The following PRKG1 variants were observed in gnomAD, a reference collection of about 807,000 sequenced individuals.
The protein encoded by PRKG1 is protein kinase cGMP-dependent 1.
In PRKG1, 35 loss-of-function variants were observed where a neutral mutation model predicts 88.1. That is an observed-to-expected ratio of 0.40 (90% CI 0.30 to 0.53). PRKG1 has a LOEUF of 0.53. PRKG1 is among the 20% of genes least tolerant of loss of function. The pLI is 0.59. For missense variants in PRKG1, 540 were observed against 839.8 expected (o/e 0.64, Z 4.41); for synonymous variants, 303 against 292.5 (o/e 1.04, Z -0.37).
chr10:51,327,495 AAATT>A (rs1841623960), intron 2 of PRKG1, among the ~76,000 whole-genome samples: 1 of 152,218 alleles, frequency 6.6e-6, no homozygotes. Context: ...TGTTTTTAAA[AAATT>A]AAAGAATTAA....
At chr10:52,021,216 G>A (rs536319181) in intron 5 of PRKG1, among the ~76,000 whole-genome samples, 1 of 152,318 alleles carries the variant, frequency 6.6e-6, no homozygotes, top group South Asian at 2.1e-4. Flanking sequence ...AGAGGTTTAA[G>A]GTAAGGAAGT....
In PRKG1 at chr10:52,257,476, C is replaced by T. The variant is rs566301933; in HGVS notation, c.1173+5810C>T. Among the ~76,000 whole-genome samples the T allele has an allele frequency of 2.3e-3, 317 of 140,288 alleles. 79 individuals are homozygous for T. Among genetic ancestry groups the T allele is most frequent in the Middle Eastern group, 0.011 (3 of 274 alleles). 92.0% of individuals were successfully genotyped at this position (140,288 alleles called of 152,430 possible). ...TAAGATGAAAACATTTCAAGAGCTT[C>T]CTACTGCCAAGCCGCACAGCAATGA... On this transcript the variant is annotated intron_variant, in intron 10 of 17. Coordinates refer to ENST00000373980, the MANE Select transcript of PRKG1 (RefSeq NM_006258.4).
chr10:51,299,561 C>T (rs1840819147), intron 2 of PRKG1: 2 of 472,374 alleles, frequency 4.2e-6, no homozygotes, highest in South Asian at 1.5e-5. Context: ...CAGCCTGTAA[C>T]ATATGTCTCT....
chr10:51,746,760 G>A (rs971484233), intron 3 of PRKG1, among the ~76,000 whole-genome samples: 6 of 147,584 alleles, frequency 4.1e-5, no homozygotes, highest in African/African-American at 1.2e-4. Flanking sequence ...AGAAAAGAAA[G>A]AAAAAAAAAG....
intron 2 of PRKG1, among the ~76,000 whole-genome samples, chr10:51,311,405 C>T (rs1427897200): frequency 1.3e-5 from 2 of 152,186 alleles, no homozygotes; most frequent in East Asian, 3.9e-4. Flanking sequence ...CCTGCTGGCA[C>T]TTAGATGGTG....
intron 10 of PRKG1, chr10:52,252,962 G>C (rs1265911868): frequency 6.6e-6 from 1 of 151,900 alleles, no homozygotes; most frequent in African/African-American, 2.4e-5. Context: ...ATAATTGTCT[G>C]TATAGCTAAT....
chr10:52,213,357 C>T lies in PRKG1; in HGVS notation c.1077-38213C>T, dbSNP rs553608948. On this transcript the variant is annotated intron_variant, in intron 9 of 17. Coordinates refer to ENST00000373980, the MANE Select transcript of PRKG1 (RefSeq NM_006258.4). ...ATTTGTTATGGGTTTATTTAAGACT[C>T]GTCATGGAAACGTCATACCTTATTT... Among the ~76,000 whole-genome samples, 54 of 152,192 alleles carry T rather than the reference C, an allele frequency of 3.5e-4. 1 individual carries two copies. The highest frequency in any genetic ancestry group is 2.1e-3 in the South Asian group (10 of 4,822).
intron 9 of PRKG1, among the ~76,000 whole-genome samples, chr10:52,165,354 G>T (rs1489831652): frequency 6.6e-6 from 1 of 152,070 alleles, no homozygotes; most frequent in Non-Finnish European, 1.5e-5. Flanking sequence ...ATTTGAATTA[G>T]CATTGTTGTT....
chr10:51,978,184 C>T (rs1466954409), intron 5 of PRKG1, among the ~76,000 whole-genome samples: 1 of 124,408 alleles, frequency 8.0e-6, no homozygotes, highest in African/African-American at 3.0e-5. Flanking sequence ...TATTCCAGCA[C>T]CATTTATTCC....
chr10:52,266,053 G>A (rs992389027), intron 10 of PRKG1, among the ~76,000 whole-genome samples: 3 of 151,750 alleles, frequency 2.0e-5, no homozygotes, highest in African/African-American at 7.3e-5. Context: ...TTTGTTTTTT[G>A]AGAACAGTTA....
At chr10:51,184,309 C>A (rs1837426020) in intron 2 of PRKG1, among the ~76,000 whole-genome samples, 1 of 152,172 alleles carries the variant, frequency 6.6e-6, no homozygotes, top group East Asian at 1.9e-4. Context: ...GAGCAATGTT[C>A]ATGGAGAATG....
chr10:51,621,007 G>GTATATATATATATATATA (rs370817382), intron 3 of PRKG1, among the ~76,000 whole-genome samples: 3,478 of 121,520 alleles, frequency 0.029, 112 homozygotes, highest in East Asian at 0.073. Context: ...GTGTATATGT[G>GTATATATATATATATATA]TGTATATATA....
At chr10:51,709,597 G>A (rs2132429688) in intron 3 of PRKG1, among the ~76,000 whole-genome samples, 1 of 152,328 alleles carries the variant, frequency 6.6e-6, no homozygotes, top group East Asian at 1.9e-4. Context: ...GGAATTGCCT[G>A]TGTTGGTCCA....
intron 5 of PRKG1, among the ~76,000 whole-genome samples, chr10:52,015,090 G>A (rs1357122856): frequency 6.6e-6 from 1 of 152,210 alleles, no homozygotes; most frequent in Non-Finnish European, 1.5e-5. Flanking sequence ...TCTAGGCAGT[G>A]CCCCAATGGG....
intron 3 of PRKG1, among the ~76,000 whole-genome samples, chr10:51,741,114 A>G (rs958596847): frequency 6.6e-6 from 1 of 151,654 alleles, no homozygotes; most frequent in African/African-American, 2.4e-5. Flanking sequence ...TTGGGAAACA[A>G]TGGGAGGTGG....
intron 3 of PRKG1, among the ~76,000 whole-genome samples, chr10:51,513,121 C>T (rs1841468438): frequency 6.6e-6 from 1 of 151,620 alleles, no homozygotes; most frequent in South Asian, 2.1e-4. Context: ...CAGAGACACA[C>T]ATAGGCTCAA....
At chr10:51,950,849 G>A (rs918304832) in intron 5 of PRKG1, among the ~76,000 whole-genome samples, 6 of 152,196 alleles carry the variant, frequency 3.9e-5, no homozygotes, top group African/African-American at 1.4e-4. Flanking sequence ...AGAAGAATGA[G>A]GTTATGCTGA....
chr10:51,609,124 A>C (rs908330453), intron 3 of PRKG1, among the ~76,000 whole-genome samples: 3 of 151,916 alleles, frequency 2.0e-5, no homozygotes, highest in African/African-American at 7.2e-5. Context: ...GTTTTAGGGT[A>C]CATGTGCACA....
chr10:51,495,749 A>C (rs572248521), intron 3 of PRKG1, among the ~76,000 whole-genome samples: 2 of 152,304 alleles, frequency 1.3e-5, no homozygotes, highest in South Asian at 4.1e-4. Flanking sequence ...ATGTGTCCTC[A>C]GTAAGGAGGT....
Sources: gnomAD v4.1 joint callset for allele counts (sites outside exome capture counted in the v4.1 genomes callset) on GRCh38, gnomAD v4.1.1 for gene constraint, MANE v1.5 for transcripts, NCBI Gene and HGNC (gene_info 2026-07-23, HGNC 2026-07-21) for gene names.